The following COL11A1 variants were observed in gnomAD, a reference collection of about 807,000 sequenced individuals.
COL11A1 encodes collagen alpha-1(XI) chain.
A neutral mutation model predicts 265.2 loss-of-function variants in COL11A1; 74 were observed. The ratio of observed to expected loss-of-function variants is 0.28; its 90% CI spans 0.23 to 0.34. The LOEUF is 0.34. COL11A1 is among the 10% of genes least tolerant of loss of function. The pLI is 1.00. For synonymous variants in COL11A1, 816 were observed against 727.6 expected (o/e 1.12, Z -1.96); for missense variants, 2,165 against 2,263.6 (o/e 0.96, Z 0.88).
In COL11A1 at chr1:102,889,437, A is replaced by G. The variant is rs1364269576; in HGVS notation, c.4464+18T>C. ...TTATTGGAAATGAGTAGAAAAAATA[A>G]CCTATATTTTTACTCACCCCATCCC... On this transcript the variant is annotated intron_variant, in intron 59 of 66. Coordinates refer to ENST00000370096, the MANE Select transcript of COL11A1 (RefSeq NM_001854.4). 3.9e-6 allele frequency: 6 copies of G among 1,519,306 alleles called. No individual in the cohort carries two copies. Among genetic ancestry groups the G allele is most frequent in the Non-Finnish European group, 5.5e-6 (6 of 1,094,742 alleles). 94.1% of individuals were successfully genotyped at this position (1,519,306 alleles called of 1,614,324 possible).
At chr1:102,895,909 A>T (rs1296438443) in intron 57 of COL11A1, among the ~76,000 whole-genome samples, 5 of 151,574 alleles carry the variant, frequency 3.3e-5, no homozygotes, top group Admixed American at 6.6e-5. Context: ...AACAACTTGC[A>T]TAAGGTTTAT....
chr1:103,004,579 A>G, intron 19 of COL11A1, 29 bp downstream of exon 19: 1 of 1,593,790 alleles, frequency 6.3e-7, no homozygotes, highest in Non-Finnish European at 8.6e-7. Flanking sequence ...AATTTTAAAT[A>G]TTTCTTAAGA....
chr1:103,002,872 A>G (rs1665250773), intron 21 of COL11A1, 81 bp from the exon 22 acceptor site: 1 of 1,291,864 alleles, frequency 7.7e-7, no homozygotes, highest in Non-Finnish European at 1.1e-6. Flanking sequence ...ATCTAATATC[A>G]TGATATTCAC....
chr1:103,023,076 T>C, intron 7 of COL11A1, 80 bp from the exon 8 acceptor site: 1 of 1,447,580 alleles, frequency 6.9e-7, no homozygotes, highest in East Asian at 2.3e-5. Flanking sequence ...AATTACAATT[T>C]GATAGCGTGT....
chr1:103,092,891 ATGTAC>A (rs1673439677), intron 1 of COL11A1, among the ~76,000 whole-genome samples: 1 of 152,082 alleles, frequency 6.6e-6, no homozygotes. Flanking sequence ...ATTGCTTGAT[ATGTAC>A]TGTAGATTGA....
intron 46 of COL11A1, among the ~76,000 whole-genome samples, chr1:102,927,408 G>A (rs1438085880): frequency 6.6e-6 from 1 of 152,042 alleles, no homozygotes; most frequent in East Asian, 1.9e-4. Flanking sequence ...AACATCAAGC[G>A]GAAGGTAAAA....
intron 54 of COL11A1, among the ~76,000 whole-genome samples, chr1:102,905,210 C>A (rs1275639873): frequency 1.7e-5 from 2 of 121,122 alleles, no homozygotes; most frequent in African/African-American, 3.4e-5. Context: ...ACATCACACA[C>A]CAGGGACTGT....
chr1:103,003,500 A>G (rs193005606), intron 20 of COL11A1, among the ~76,000 whole-genome samples: 1 of 152,296 alleles, frequency 6.6e-6, no homozygotes, highest in African/African-American at 2.4e-5. Context: ...TGATTCTATA[A>G]TATTACATAT....
intron 14 of COL11A1, among the ~76,000 whole-genome samples, 162 bp downstream of exon 14, chr1:103,012,251 A>G (rs1302382649): frequency 3.3e-5 from 5 of 151,632 alleles, no homozygotes; most frequent in Non-Finnish European, 1.5e-5. Context: ...AAATGTACAG[A>G]AAACTGAATT....
chr1:103,071,043 C>T (rs975440151), intron 4 of COL11A1, among the ~76,000 whole-genome samples: 4 of 151,734 alleles, frequency 2.6e-5, no homozygotes. Context: ...AATTATTATT[C>T]ATTGATTTCT....
intron 54 of COL11A1, among the ~76,000 whole-genome samples, chr1:102,909,513 T>C (rs548155398): frequency 3.3e-5 from 5 of 152,154 alleles, no homozygotes; most frequent in African/African-American, 1.2e-4. Context: ...TTGTACATTA[T>C]ATTTTCATTA....
At chr1:103,034,359 C>T (rs535876098) in intron 4 of COL11A1, among the ~76,000 whole-genome samples, 2 of 151,588 alleles carry the variant, frequency 1.3e-5, no homozygotes, top group East Asian at 3.9e-4. Flanking sequence ...CGCACTGAGG[C>T]TGTCAACTTT....
At chr1:102,947,497 A>G (rs1056730310) in intron 41 of COL11A1, among the ~76,000 whole-genome samples, 5 of 152,160 alleles carry the variant, frequency 3.3e-5, no homozygotes, top group African/African-American at 4.8e-5. Flanking sequence ...ACTATCCTAA[A>G]GTCTGGACGT....
chr1:102,981,036 T>C (rs750607611), intron 31 of COL11A1, among the ~76,000 whole-genome samples: 1 of 152,194 alleles, frequency 6.6e-6, no homozygotes, highest in Non-Finnish European at 1.5e-5. Flanking sequence ...AATTTGTATT[T>C]CCTACATGAT....
intron 35 of COL11A1, among the ~76,000 whole-genome samples, chr1:102,976,151 T>G (rs1662442585): frequency 6.6e-6 from 1 of 152,030 alleles, no homozygotes; most frequent in South Asian, 2.1e-4. Flanking sequence ...AATGTCATGT[T>G]TTTGCTTCCT....
chr1:103,082,869 T>C lies in COL11A1; in HGVS notation c.210A>G (p.Ser70=). 6.2e-7 allele frequency: 1 copy of C among 1,613,756 alleles called. No homozygotes were observed. The highest frequency in any genetic ancestry group is 8.5e-7 in the Non-Finnish European group (1 of 1,179,742). ...FCTNRKNSKG[S]DTAYRVSKQA... is the part of the protein sequence containing the mutation. ...GCTTTGAAACTCTGTAAGCAGTATC[T>C]GAGCCTTTAGAATTCTTTCTGTTTG... Residue 70 remains serine (S), a synonymous_variant, in exon 2 of 67, where the codon TCA becomes TCG. Transcript: ENST00000370096.
chr1:102,967,254 T>TTTTTTTTTTTC (rs1661510907), intron 37 of COL11A1, among the ~76,000 whole-genome samples: 1 of 114,788 alleles, frequency 8.7e-6, no homozygotes, highest in Non-Finnish European at 1.8e-5. Context: ...TTTTTTTTTT[T>TTTTTTTTTTTC]TTTTGAGACG....
chr1:102,999,158 A>T (rs1664891720), intron 24 of COL11A1, among the ~76,000 whole-genome samples: 1 of 152,016 alleles, frequency 6.6e-6, no homozygotes, highest in South Asian at 2.1e-4. Flanking sequence ...GGTCAAGGAC[A>T]TATCAGCAAG....
At chr1:103,068,891 AC>A (rs1671356747) in intron 4 of COL11A1, among the ~76,000 whole-genome samples, 1 of 151,256 alleles carries the variant, frequency 6.6e-6, no homozygotes. Context: ...TACCCTGAAA[AC>A]TAGAAAACAT....
Sources: gnomAD v4.1 joint callset for allele counts (sites outside exome capture counted in the v4.1 genomes callset) on GRCh38, gnomAD v4.1.1 for gene constraint, MANE v1.5 for transcripts, NCBI Gene and HGNC (gene_info 2026-07-23, HGNC 2026-07-21) for gene names.